Variants in UBE2F observed in about 807,000 individuals in gnomAD.
The protein encoded by UBE2F is ubiquitin conjugating enzyme E2 F (putative).
A neutral mutation model predicts 29.6 loss-of-function variants in UBE2F; 5 were observed. The ratio of observed to expected loss-of-function variants is 0.17; its 90% CI spans 0.09 to 0.36. The LOEUF (loss-of-function observed/expected upper bound fraction) is 0.36. Among genes scored for constraint, UBE2F ranks in the 10% least tolerant of loss-of-function variants. The pLI, the probability that UBE2F is intolerant of heterozygous loss-of-function variation, is 1.00. For missense variants in UBE2F, 141 were observed against 228.5 expected (o/e 0.62, Z 2.47); for synonymous variants, 66 against 81.8 (o/e 0.81, Z 1.04).
chr2:238,013,280 AAAAG>A (rs1158386331), intron 4 of UBE2F, among the ~76,000 whole-genome samples: 2 of 152,206 alleles, frequency 1.3e-5, no homozygotes, highest in Non-Finnish European at 2.9e-5. Context: ...ATAATTTAAA[AAAAG>A]AAAGAAAGAA....
chr2:237,997,852 C>T (rs549077168), intron 4 of UBE2F, among the ~76,000 whole-genome samples: 5 of 151,772 alleles, frequency 3.3e-5, no homozygotes, highest in African/African-American at 4.8e-5. Flanking sequence ...AGAAAGGGAC[C>T]GAATTTAGAA....
chr2:237,969,352 G>A (rs1324279484), intron 1 of UBE2F, among the ~76,000 whole-genome samples: 5 of 152,116 alleles, frequency 3.3e-5, no homozygotes, highest in African/African-American at 1.2e-4. Context: ...GTGCATGAAG[G>A]ATCTCTCTCC....
intron 2 of UBE2F, among the ~76,000 whole-genome samples, chr2:237,983,994 C>T (rs184335870): frequency 6.6e-6 from 1 of 152,188 alleles, no homozygotes; most frequent in East Asian, 1.9e-4. Flanking sequence ...CCTTTGCCCT[C>T]ATTGTGCTCC....
Position 237,967,091 on chromosome 2 carries a change from T to C in UBE2F, c.-58T>C. On this transcript the variant is annotated 5_prime_UTR_variant, in exon 1 of 10. Transcript: ENST00000272930. The surrounding 1 kb of genome is among the most constrained non-coding windows in gnomAD (Gnocchi z 6.3). The stretch of plus-strand genomic sequence containing the variant: ...CAGCAGCCGCCCGGACCGGGCATGG[T>C]GTTGGGCGCCGGGCCCGCCTCGCCT... The C allele has an allele frequency of 1.5e-6, 2 of 1,348,070 alleles. No individual in the cohort carries two copies. The highest frequency in any genetic ancestry group is 1.9e-6 in the Non-Finnish European group (2 of 1,046,682). The allele number at this position is 1,348,070 out of a possible 1,614,324, so 83.5% of individuals were successfully genotyped here. A position where few individuals can be genotyped will look rare whatever the true frequency, so the allele number is the denominator to read the frequency against.
intron 8 of UBE2F, among the ~76,000 whole-genome samples, chr2:238,033,696 A>G (rs984863619): frequency 6.6e-6 from 1 of 152,218 alleles, no homozygotes; most frequent in African/African-American, 2.4e-5. Context: ...GTGAATGTCT[A>G]TCACACAAGC....
At chr2:237,981,955 T>C (rs1454103279) in intron 2 of UBE2F, among the ~76,000 whole-genome samples, 3 of 152,190 alleles carry the variant, frequency 2.0e-5, no homozygotes, top group Non-Finnish European at 4.4e-5. Context: ...AAGTTCTACC[T>C]GAAACTCTTG....
intron 9 of UBE2F, among the ~76,000 whole-genome samples, chr2:238,037,849 C>T (rs1474967591): frequency 2.0e-5 from 3 of 152,144 alleles, no homozygotes; most frequent in African/African-American, 7.2e-5. Flanking sequence ...CCTCAAGCAA[C>T]CCACCCGCCT....
intron 5 of UBE2F, among the ~76,000 whole-genome samples, chr2:238,024,638 C>T (rs1211485329): frequency 6.6e-6 from 1 of 152,142 alleles, no homozygotes; most frequent in African/African-American, 2.4e-5. Flanking sequence ...GGGTATCTAT[C>T]ATTAATTATA....
intron 5 of UBE2F, 98 bp downstream of exon 5, chr2:238,016,731 C>G (rs771542169): frequency 1.0e-6 from 1 of 977,002 alleles, no homozygotes; most frequent in Non-Finnish European, 1.6e-6. Flanking sequence ...CTCCCCTCTG[C>G]GTGTGTCCAT....
At chr2:238,025,257 A>G (rs2064394518) in intron 5 of UBE2F, 85 bp from the exon 6 acceptor site, 1 of 1,158,116 alleles carries the variant, frequency 8.6e-7, no homozygotes, top group Non-Finnish European at 1.3e-6. Context: ...AAGCGTCTAG[A>G]TAGGGGATGT....
At chr2:237,985,894 T>G (rs931865994) in intron 2 of UBE2F, among the ~76,000 whole-genome samples, 3 of 152,224 alleles carry the variant, frequency 2.0e-5, no homozygotes, top group Non-Finnish European at 4.4e-5. Context: ...CTAACAGGTG[T>G]GAGGTGATTT....
chr2:238,012,019 C>T (rs914485967), intron 4 of UBE2F, among the ~76,000 whole-genome samples: 1 of 150,518 alleles, frequency 6.6e-6, no homozygotes, highest in African/African-American at 2.4e-5. Flanking sequence ...GCTGGGACTA[C>T]AGGCACACAC....
At chr2:237,973,258 C>T in intron 2 of UBE2F, 33 bp downstream of exon 2, 1 of 1,591,848 alleles carries the variant, frequency 6.3e-7, no homozygotes, top group Non-Finnish European at 8.6e-7. Flanking sequence ...GTTTTTATAT[C>T]CTATAACAAA....
chr2:238,018,451 A>G (rs145357428), intron 5 of UBE2F, among the ~76,000 whole-genome samples: 3 of 152,366 alleles, frequency 2.0e-5, no homozygotes, highest in East Asian at 3.9e-4. Context: ...ATAGGAAGAA[A>G]GCAAACTAAG....
At chr2:237,986,025 T>A (rs1185917998) in intron 2 of UBE2F, 1 of 213,702 alleles carries the variant, frequency 4.7e-6, no homozygotes, top group Non-Finnish European at 9.8e-6. Flanking sequence ...TGCCCATTTT[T>A]AATTTTTTTT....
intron 2 of UBE2F, among the ~76,000 whole-genome samples, chr2:237,986,871 G>C (rs1021031051): frequency 1.3e-5 from 2 of 152,142 alleles, no homozygotes; most frequent in African/African-American, 4.8e-5. Flanking sequence ...CTGTGTGTCT[G>C]TTTTTAAGCC....
chr2:237,979,577 C>T (rs2063343768), intron 2 of UBE2F, among the ~76,000 whole-genome samples: 1 of 152,126 alleles, frequency 6.6e-6, no homozygotes, highest in African/African-American at 2.4e-5. Flanking sequence ...AGGTTCTGTG[C>T]TACAATACAT....
At chr2:237,991,197 T>C (rs1359979973) in intron 3 of UBE2F, among the ~76,000 whole-genome samples, 1 of 152,162 alleles carries the variant, frequency 6.6e-6, no homozygotes, top group African/African-American at 2.4e-5. Context: ...CCTTCTCTCC[T>C]AATCGAAGAG....
chr2:237,988,067 T>G (rs2063517512), intron 3 of UBE2F, 75 bp downstream of exon 3: 1 of 827,572 alleles, frequency 1.2e-6, no homozygotes. Flanking sequence ...TTTAATAACC[T>G]TGTATAGTAA....
Sources: gnomAD v4.1 joint callset for allele counts (sites outside exome capture counted in the v4.1 genomes callset) on GRCh38, gnomAD v4.1.1 for gene constraint, Gnocchi (gnomAD v3.1) non-coding constraint, MANE v1.5 for transcripts, NCBI Gene and HGNC (gene_info 2026-07-23, HGNC 2026-07-21) for gene names.